The following CLCA4 variants were observed in gnomAD, a reference collection of about 807,000 sequenced individuals.
CLCA4 encodes the protein chloride channel accessory 4.
Under a neutral mutation model 78.9 loss-of-function variants are expected in CLCA4, and 69 were observed. That is an observed-to-expected ratio of 0.87 (90% CI 0.72 to 1.07). CLCA4 has a LOEUF of 1.07. Ranked by LOEUF, CLCA4 falls within the 50% of genes least tolerant of loss-of-function variation. The probability of loss-of-function intolerance (pLI) is 0.00; values close to 1 mark genes in which losing one functional copy is unlikely to be tolerated. For synonymous variants in CLCA4, 362 were observed against 375.8 expected (o/e 0.96, Z 0.42); for missense variants, 1,133 against 1,095.8 (o/e 1.03, Z -0.48).
At chr1:86,560,392 G>A in intron 3 of CLCA4, 34 bp downstream of exon 3, 1 of 1,608,910 alleles carries the variant, frequency 6.2e-7, no homozygotes, top group Non-Finnish European at 8.5e-7. Context: ...ATTTTGCAGT[G>A]ATTGCAGCAT....
intron 11 of CLCA4, among the ~76,000 whole-genome samples, chr1:86,577,253 A>T (rs1650547642): frequency 6.6e-6 from 1 of 152,052 alleles, no homozygotes; most frequent in Admixed American, 6.6e-5. Context: ...GAATGCCTTT[A>T]CCTGAGATGG....
intron 11 of CLCA4, 64 bp downstream of exon 11, chr1:86,575,663 T>G (rs888769898): frequency 1.4e-6 from 2 of 1,422,824 alleles, no homozygotes; most frequent in African/African-American, 1.4e-5. Context: ...TGAGTCCCTG[T>G]GGCATTGTGG....
chr1:86,562,070 TACACACACACACG>T (rs1650038778), intron 3 of CLCA4, among the ~76,000 whole-genome samples: 1 of 151,614 alleles, frequency 6.6e-6, no homozygotes, highest in African/African-American at 2.4e-5. Flanking sequence ...ATATTAAAAG[TACACACACACACG>T]ACACACACAC....
chr1:86,562,300 G>A (rs1650048829), intron 3 of CLCA4, among the ~76,000 whole-genome samples: 1 of 152,208 alleles, frequency 6.6e-6, no homozygotes, highest in East Asian at 1.9e-4. Flanking sequence ...TCCTACTGCA[G>A]TAGCTGATAT....
At chr1:86,548,485 A>G (rs1570315071) in intron 1 of CLCA4, among the ~76,000 whole-genome samples, 1 of 152,118 alleles carries the variant, frequency 6.6e-6, no homozygotes, top group East Asian at 1.9e-4. Context: ...TTTCGAGACC[A>G]GGCTGGCCAA....
In CLCA4 at chr1:86,563,736, A is replaced by G; in HGVS notation, c.524A>G (p.Tyr175Cys). The change falls in exon 4 of 14, where the codon TAC becomes TGC. Residue 175 changes from tyrosine to cysteine, a missense_variant. Coordinates refer to ENST00000370563, the MANE Select transcript of CLCA4 (RefSeq NM_012128.4). ...FDEYNEDQPF[Y>C]RAKSKKIEAT... ...GAGTACAATGAAGATCAGCCTTTCT[A>G]CCGTGCTAAGTCAAAAAAAATCGAA... 1.9e-6 allele frequency: 3 copies of G among 1,610,276 alleles called. No individual in the cohort carries two copies. The highest frequency in any genetic ancestry group is 2.5e-6 in the Non-Finnish European group (3 of 1,177,556).
intron 1 of CLCA4, among the ~76,000 whole-genome samples, chr1:86,559,612 C>T (rs1234898909): frequency 2.0e-5 from 3 of 152,166 alleles, no homozygotes; most frequent in East Asian, 3.9e-4. Context: ...CCAGAAGATA[C>T]TAACATTAGT....
At chr1:86,572,023 T>G (rs1650363555) in intron 8 of CLCA4, among the ~76,000 whole-genome samples, 2 of 152,044 alleles carry the variant, frequency 1.3e-5, no homozygotes, top group Non-Finnish European at 2.9e-5. Context: ...TTGTAAAATT[T>G]ATTTCTATTC....
Position 86,565,895 on chromosome 1 carries a change from A to C in CLCA4, c.829A>C (p.Ser277Arg), listed in dbSNP as rs77380561. Residue 277 changes from serine (S) to arginine (R), a missense_variant, in exon 6 of 14, where the codon AGC becomes CGC. Physicochemically the swap from Ser to Arg is moderately radical, Grantham distance 110. Transcript: ENST00000370563. ...TTTTAGAAGTACATGGGAGGTGATT[A>C]GCAATTCTGAGGATTTTAAAAACAC... ...CNFRSTWEVISNSEDFKNTIP... is the reference protein window; with the variant it reads ...CNFRSTWEVIRNSEDFKNTIP... 4.3e-6 allele frequency: 7 copies of C among 1,612,272 alleles called. No homozygotes were observed. The highest frequency in any genetic ancestry group is 5.9e-6 in the Non-Finnish European group (7 of 1,178,546).
At position 86,561,710 on chromosome 1, in the gene CLCA4, C is replaced by G. The variant is rs767857246; in HGVS notation, c.448+1352C>G. On this transcript the variant is annotated intron_variant, in intron 3 of 13. Transcript: ENST00000370563. ...ACCACCTACACCTTCTCTACCTGCA[C>G]CTTTCTTAGAACAGAAAGGCTTCTC... Among the ~76,000 whole-genome samples, 97 of 152,152 alleles carry G rather than the reference C, an allele frequency of 6.4e-4. 1 individual carries two copies. Among genetic ancestry groups the G allele is most frequent in the Non-Finnish European group, 9.4e-4 (64 of 68,026 alleles).
intron 12 of CLCA4, among the ~76,000 whole-genome samples, chr1:86,579,054 A>G (rs1052143030): frequency 6.6e-6 from 1 of 152,032 alleles, no homozygotes; most frequent in African/African-American, 2.4e-5. Context: ...CAGAGTGCAG[A>G]TAATTCAAGA....
At chr1:86,579,917 A>G in intron 13 of CLCA4, 25 bp from the exon 14 acceptor site, 1 of 1,458,750 alleles carries the variant, frequency 6.9e-7, no homozygotes, top group Non-Finnish European at 9.3e-7. Context: ...CAGTCTCTAA[A>G]CTACATGTAA....
rs1218044991 is a variant in CLCA4, at chr1:86,579,553, G to C, written c.2322G>C (p.Trp774Cys). ...TVHEDKIILTWTAPGDNFDVG... is the reference protein window; with the variant it reads ...TVHEDKIILTCTAPGDNFDVG... ...ATGAGGATAAGATTATTCTTACATG[G>C]ACAGCACCAGGAGATAATTTTGATG... is the stretch of plus-strand genomic sequence containing the variant. The change falls in exon 13 of 14, where the codon TGG (tryptophan) becomes TGC (cysteine). Residue 774 changes from tryptophan (W) to cysteine (C), a missense_variant. Trp to Cys is a radical substitution (Grantham distance 215). Transcript: ENST00000370563. 3.0e-5 allele frequency: 48 copies of C among 1,607,000 alleles called. No individual in the cohort carries two copies. Among genetic ancestry groups the C allele is most frequent in the Non-Finnish European group, 4.1e-5 (48 of 1,176,038 alleles).
intron 1 of CLCA4, among the ~76,000 whole-genome samples, chr1:86,559,520 A>G (rs1255447234): frequency 6.6e-6 from 1 of 152,224 alleles, no homozygotes; most frequent in African/African-American, 2.4e-5. Flanking sequence ...TATGCCAACC[A>G]TACTGATAGA....
intron 1 of CLCA4, chr1:86,553,409 G>A (rs1649723759): frequency 6.8e-6 from 3 of 443,120 alleles, no homozygotes; most frequent in Non-Finnish European, 1.2e-5. Flanking sequence ...GGCCACAGAA[G>A]AGGCGAGGCA....
chr1:86,566,274 G>C (rs1045270683), intron 6 of CLCA4, among the ~76,000 whole-genome samples: 2 of 151,978 alleles, frequency 1.3e-5, no homozygotes, highest in Non-Finnish European at 2.9e-5. Context: ...TTCTAGGCTG[G>C]TTAAAGCCCT....
At chr1:86,571,385 T>G (rs2231596) in intron 8 of CLCA4, 131 bp downstream of exon 8, 12,303 of 775,148 alleles carry the variant, frequency 0.016, 139 homozygotes, top group Middle Eastern at 0.041. Context: ...ATCTCTGTTC[T>G]CGTGGCACTT....
In CLCA4 at chr1:86,567,591, A is replaced by T. The variant is rs762222037; in HGVS notation, c.1122A>T (p.Gly374=). Residue 374 remains glycine, a synonymous_variant, in exon 7 of 14, where the codon GGA becomes GGT. Coordinates refer to ENST00000370563, the MANE Select transcript of CLCA4 (RefSeq NM_012128.4). Reference sequence around the variant, plus strand: ...ATGAAAGAAACACACTCATGGCAGGATTACCTACATATCCTCTGGGAGGAA... The same window carrying T: ...ATGAAAGAAACACACTCATGGCAGGTTTACCTACATATCCTCTGGGAGGAA... ...SSDERNTLMA[G]LPTYPLGGTS... 3 of 1,613,198 alleles carry T rather than the reference A, an allele frequency of 1.9e-6. No individual in the cohort carries two copies. The highest frequency in any genetic ancestry group is 1.7e-5 in the Admixed American group (1 of 59,944).
In CLCA4 at chr1:86,575,336, G is replaced by A; in HGVS notation, c.1688G>A (p.Gly563Asp). Residue 563 changes from glycine to aspartate, a missense_variant, in exon 11 of 14, where the codon GGC becomes GAC. By Grantham distance (94) the Gly-to-Asp change is moderately conservative (BLOSUM62 -1). Coordinates refer to ENST00000370563, the MANE Select transcript of CLCA4 (RefSeq NM_012128.4). Reference sequence around the variant, plus strand: ...TATTTCTGTTGAAACTTTTAGGTGGGCACTTGGGCATACAATCTTCAAGCC... The same window carrying A: ...TATTTCTGTTGAAACTTTTAGGTGGACACTTGGGCATACAATCTTCAAGCC... ...YLSIPGTAKV[G>D]TWAYNLQAKA... 2 of 1,611,650 alleles carry A rather than the reference G, an allele frequency of 1.2e-6. No individual in the cohort carries two copies. Among genetic ancestry groups the A allele is most frequent in the East Asian group, 2.2e-5 (1 of 44,818 alleles).
Sources: allele counts gnomAD v4.1 joint callset (sites outside exome capture counted in the v4.1 genomes callset), GRCh38; gene constraint gnomAD v4.1.1; transcripts MANE v1.5; gene names NCBI Gene and HGNC (gene_info 2026-07-23, HGNC 2026-07-21).